The following MTMR3 variants were observed in gnomAD, a reference collection of about 807,000 sequenced individuals.
MTMR3 encodes the protein phosphatidylinositol-3,5-bisphosphate 3-phosphatase MTMR3.
In MTMR3, 32 loss-of-function variants were observed where a neutral mutation model predicts 132.4. That is an observed-to-expected ratio of 0.24 (90% CI 0.18 to 0.32). MTMR3 has a LOEUF of 0.32. MTMR3 is among the 10% of genes least tolerant of loss of function. The pLI is 1.00. For missense variants in MTMR3, 1,216 were observed against 1,489.6 expected (o/e 0.82, Z 3.02); for synonymous variants, 556 against 550.3 (o/e 1.01, Z -0.14).
chr22:29,925,707 G>A (rs1399234652), intron 1 of MTMR3, among the ~76,000 whole-genome samples: 1 of 151,984 alleles, frequency 6.6e-6, no homozygotes, highest in African/African-American at 2.4e-5. Context: ...CTTGAGACCA[G>A]GAGTTTGAGA....
At chr22:29,988,433 G>T (rs771173391) in intron 5 of MTMR3, 47 bp from the exon 6 acceptor site, 1 of 1,433,468 alleles carries the variant, frequency 7.0e-7, no homozygotes, top group South Asian at 1.2e-5. Context: ...GAACTCCAGG[G>T]TCAATGCCTT....
intron 1 of MTMR3, among the ~76,000 whole-genome samples, chr22:29,925,854 G>A (rs1379672631): frequency 6.6e-6 from 1 of 152,164 alleles, no homozygotes; most frequent in African/African-American, 2.4e-5. Context: ...TGCGGAGGTT[G>A]CAATGAGCTG....
intron 1 of MTMR3, among the ~76,000 whole-genome samples, chr22:29,895,969 A>G (rs1025423351): frequency 6.6e-6 from 1 of 152,162 alleles, no homozygotes; most frequent in Non-Finnish European, 1.5e-5. Context: ...CAAATCGACA[A>G]TTTTTAAAAT....
At chr22:29,913,206 C>T (rs1161998130) in intron 1 of MTMR3, among the ~76,000 whole-genome samples, 4 of 152,134 alleles carry the variant, frequency 2.6e-5, no homozygotes, top group Admixed American at 6.5e-5. Context: ...CATGATTGCA[C>T]CACTGCACTC....
At position 30,017,979 on chromosome 22, in the gene MTMR3, A is replaced by G. The variant is rs778670395; in HGVS notation, c.1727A>G (p.Tyr576Cys). The change falls in exon 16 of 20, where the codon TAC becomes TGC. Residue 576 changes from tyrosine to cysteine, a missense_variant. This residue lies in a region of MTMR3 where 852 missense variants were observed against 852.0 expected (regional missense o/e 1.00). Coordinates refer to ENST00000401950, the MANE Select transcript of MTMR3 (RefSeq NM_021090.4). ...AACCTGATGCTGTGGAGTGCAGTGT[A>G]CCTGCCCTGCCCATCCCCAACCACC... ...VRNLMLWSAV[Y>C]LPCPSPTTPV... 3.7e-6 allele frequency: 6 copies of G among 1,613,636 alleles called. No homozygotes were observed. The East Asian group carries it at 1.1e-4, about 30-fold the overall frequency.
intron 1 of MTMR3, among the ~76,000 whole-genome samples, chr22:29,892,084 C>T (rs777040714): frequency 4.0e-5 from 6 of 151,078 alleles, no homozygotes; most frequent in African/African-American, 7.3e-5. Flanking sequence ...ACCCAGGAGG[C>T]GGAGGTTGCA....
At chr22:29,937,835 G>A (rs1469585588) in intron 1 of MTMR3, among the ~76,000 whole-genome samples, 4 of 152,166 alleles carry the variant, frequency 2.6e-5, no homozygotes, top group Non-Finnish European at 4.4e-5. Flanking sequence ...ACTTTCACAA[G>A]CCTGTTTTTT....
intron 1 of MTMR3, among the ~76,000 whole-genome samples, chr22:29,911,635 T>C (rs566276276): frequency 6.6e-6 from 1 of 152,122 alleles, no homozygotes; most frequent in East Asian, 1.9e-4. Context: ...ATATTTAATG[T>C]TAGTCTGACC....
At chr22:30,019,346 C>G (rs1466072033) in intron 16 of MTMR3, 134 bp from the exon 17 acceptor site, 1 of 830,130 alleles carries the variant, frequency 1.2e-6, no homozygotes, top group Non-Finnish European at 1.8e-6. Flanking sequence ...GGGCCTCGCT[C>G]CAGAGATGCT....
intron 15 of MTMR3, 90 bp from the exon 16 acceptor site, chr22:30,017,837 C>T: frequency 1.3e-6 from 2 of 1,543,828 alleles, no homozygotes; most frequent in Non-Finnish European, 1.8e-6. Context: ...TTGGGTATTC[C>T]AGCTGGGTGC....
chr22:29,970,661 C>A (rs1224870168), intron 2 of MTMR3, among the ~76,000 whole-genome samples: 1 of 151,816 alleles, frequency 6.6e-6, no homozygotes, highest in Non-Finnish European at 1.5e-5. Context: ...TTAATTGTTG[C>A]TTTATTCATC....
intron 2 of MTMR3, among the ~76,000 whole-genome samples, chr22:29,958,298 C>G (rs1386309962): frequency 1.3e-5 from 2 of 152,172 alleles, no homozygotes; most frequent in African/African-American, 4.8e-5. Flanking sequence ...TATTAGAAGA[C>G]AAGTTATTGC....
rs981198388 is a variant in MTMR3 at position 30,020,708 on chromosome 22, G to A, written c.3049G>A (p.Asp1017Asn). The A allele has an allele frequency of 3.7e-6, 6 of 1,614,104 alleles. No individual in the cohort carries two copies. Among genetic ancestry groups the A allele is most frequent in the East Asian group, 2.2e-5 (1 of 44,902 alleles). The part of the protein sequence containing the change: ...PDQPSRSHLD[D>N]DGMSVYTDTI... Reference sequence around the variant, plus strand: ...CCAGCCTTCCCGCAGCCACCTGGACGATGATGGCATGTCAGTGTACACAGA... The same window carrying A: ...CCAGCCTTCCCGCAGCCACCTGGACAATGATGGCATGTCAGTGTACACAGA... Residue 1017 changes from aspartate to asparagine, a missense_variant, in exon 17 of 20, where the codon GAT becomes AAT. Physicochemically the swap from Asp to Asn is conservative, Grantham distance 23. Transcript: ENST00000401950.
intron 2 of MTMR3, among the ~76,000 whole-genome samples, chr22:29,958,164 C>T (rs2145846436): frequency 6.6e-6 from 1 of 152,256 alleles, no homozygotes; most frequent in East Asian, 1.9e-4. Flanking sequence ...TCCAGTGTGG[C>T]TACTAAACCT....
intron 1 of MTMR3, among the ~76,000 whole-genome samples, chr22:29,951,891 T>TTG (rs1180942244): frequency 1.5e-5 from 2 of 130,952 alleles, no homozygotes; most frequent in Admixed American, 8.9e-5. Context: ...AAGTAAAGGT[T>TTG]TTTTTTTTTT....
intron 18 of MTMR3, 89 bp downstream of exon 18, chr22:30,022,228 A>G (rs1478703754): frequency 1.3e-5 from 13 of 1,031,350 alleles, no homozygotes; most frequent in Non-Finnish European, 1.9e-5. Flanking sequence ...ACCCCTGGCC[A>G]AGGAAGCACC....
intron 4 of MTMR3, 135 bp downstream of exon 4, chr22:29,978,666 C>A: frequency 1.4e-6 from 1 of 691,822 alleles, no homozygotes; most frequent in Non-Finnish European, 2.4e-6. Flanking sequence ...AGCTGGAAAA[C>A]ATCTCATTTT....
intron 1 of MTMR3, among the ~76,000 whole-genome samples, chr22:29,914,603 C>T (rs541055199): frequency 1.1e-4 from 17 of 151,984 alleles, no homozygotes; most frequent in African/African-American, 4.1e-4. Flanking sequence ...TTTATGTAGT[C>T]AGTTATTTTT....
chr22:29,991,393 G>C (rs1377887960), intron 6 of MTMR3, 111 bp from the exon 7 acceptor site: 3 of 1,044,160 alleles, frequency 2.9e-6, no homozygotes, highest in Non-Finnish European at 4.0e-6. Flanking sequence ...ATGCTTTCTT[G>C]GTTGTAGTTC....
Sources: allele counts gnomAD v4.1 joint callset (sites outside exome capture counted in the v4.1 genomes callset), GRCh38; gene constraint gnomAD v4.1.1; regional missense constraint gnomAD v4.1.1; transcripts MANE v1.5; gene names NCBI Gene and HGNC (gene_info 2026-07-23, HGNC 2026-07-21).